The following NIM1K variants were observed in gnomAD, a reference collection of about 807,000 sequenced individuals.
NIM1K encodes the protein NIM1 serine/threonine protein kinase.
NIM1K carries 35 observed loss-of-function variants against 37.1 expected under a neutral mutation model. The observed-to-expected ratio is 0.94, with a 90% CI of 0.72 to 1.25. The LOEUF (loss-of-function observed/expected upper bound fraction) is 1.25. Among genes scored for constraint, NIM1K ranks in the 50% most tolerant of loss-of-function variants. NIM1K has a pLI of 0.00. For synonymous variants in NIM1K, 234 were observed against 206.6 expected, an observed-to-expected ratio of 1.13 and a Z score of -1.14; for missense variants, 564 against 548.0, an observed-to-expected ratio of 1.03 and a Z score of -0.29.
intron 2 of NIM1K, among the ~76,000 whole-genome samples, chr5:43,261,270 C>A (rs1294781927): frequency 6.6e-6 from 1 of 152,182 alleles, no homozygotes; most frequent in African/African-American, 2.4e-5. Flanking sequence ...TCTCTAGCAC[C>A]TGTTGTTTCC....
chr5:43,208,691 G>A (rs551734876), intron 1 of NIM1K, among the ~76,000 whole-genome samples: 3 of 152,328 alleles, frequency 2.0e-5, no homozygotes, highest in African/African-American at 7.2e-5. Flanking sequence ...GGCATGAAAG[G>A]ACATGTTATG....
intron 2 of NIM1K, among the ~76,000 whole-genome samples, chr5:43,246,535 T>C (rs1258441673): frequency 6.6e-6 from 1 of 151,572 alleles, no homozygotes; most frequent in East Asian, 1.9e-4. Context: ...AATGGCACAG[T>C]GCGGCACAGG....
At chr5:43,267,721 G>A (rs1753186489) in intron 2 of NIM1K, among the ~76,000 whole-genome samples, 1 of 152,100 alleles carries the variant, frequency 6.6e-6, no homozygotes. Flanking sequence ...AATTTATACA[G>A]GAGCAGATTT....
chr5:43,239,980 C>T (rs1266479679), intron 1 of NIM1K, among the ~76,000 whole-genome samples: 2 of 152,018 alleles, frequency 1.3e-5, no homozygotes, highest in African/African-American at 4.8e-5. Flanking sequence ...ATGATAATTT[C>T]CCTGTGTAAC....
rs199654196 is a variant in NIM1K, at chr5:43,279,022, G to A, written c.562-958G>A. ...ATTCTACTTGGAAAAGTAACTTGGT[G>A]GGAGAACAGAAGAGAATCCAGCAAT... is the stretch of plus-strand genomic sequence containing the variant. On this transcript the variant is annotated intron_variant, in intron 3 of 3. Coordinates refer to ENST00000326035, the MANE Select transcript of NIM1K (RefSeq NM_153361.4). Among the ~76,000 whole-genome samples the A allele has an allele frequency of 8.5e-5, 13 of 152,186 alleles. No individual in the cohort carries two copies. The East Asian group carries it at 2.1e-3, about 25-fold the overall frequency.
intron 1 of NIM1K, chr5:43,233,100 G>A: frequency 7.4e-7 from 1 of 1,346,604 alleles, no homozygotes; most frequent in Middle Eastern, 2.4e-4. Flanking sequence ...CATGTTCCAG[G>A]CAGTAGGGCT....
At chr5:43,254,347 T>G (rs2112274219) in intron 2 of NIM1K, among the ~76,000 whole-genome samples, 1 of 152,290 alleles carries the variant, frequency 6.6e-6, no homozygotes, top group South Asian at 2.1e-4. Context: ...GTATATGGAA[T>G]TCATGAAATG....
At chr5:43,279,470 T>C (rs4443426) in intron 3 of NIM1K, among the ~76,000 whole-genome samples, 72,373 of 151,902 alleles carry the variant, frequency 0.48, 17,759 homozygotes, top group Middle Eastern at 0.61. Context: ...GAGTGGAGCA[T>C]GTGCCCACAA....
chr5:43,280,720 G>C lies in NIM1K; in HGVS notation c.1302G>C (p.Ser434=), dbSNP rs755535109. The change falls in exon 4 of 4, where the codon TCG becomes TCC. Residue 434 remains serine (S), a synonymous_variant. Coordinates refer to ENST00000326035, the MANE Select transcript of NIM1K (RefSeq NM_153361.4). ...TAAGACACACATCCAAATTTTGCTC[G>C]ATTTTATAAATTGCACTAGACTGCT... The part of the protein sequence containing the change: ...RGIRHTSKFC[S]IL 6.3e-7 allele frequency: 1 copy of C among 1,593,368 alleles called. No homozygotes were observed.
At chr5:43,229,734 T>G (rs897754163) in intron 1 of NIM1K, among the ~76,000 whole-genome samples, 6 of 151,632 alleles carry the variant, frequency 4.0e-5, no homozygotes, top group Non-Finnish European at 8.8e-5. Flanking sequence ...CCTCCTGAGT[T>G]CAAGTGATTC....
At chr5:43,272,846 A>G (rs60207549) in intron 2 of NIM1K, among the ~76,000 whole-genome samples, 62,541 of 151,880 alleles carry the variant, frequency 0.41, 14,104 homozygotes, top group East Asian at 0.79. Flanking sequence ...CCAAATAGTA[A>G]CCATTGTGTG....
intron 1 of NIM1K, among the ~76,000 whole-genome samples, chr5:43,222,802 G>A (rs1162044180): frequency 6.6e-6 from 1 of 151,948 alleles, no homozygotes; most frequent in Non-Finnish European, 1.5e-5. Flanking sequence ...ATATCAAAGT[G>A]TTCAGCTTAC....
Position 43,245,770 on chromosome 5 carries a change from T to C in NIM1K, c.-6T>C. ...GCTGAGATGGAGACGTGAGCCCCCGTGGACGATGACTGCAGTGTATATGAA... is the reference window on the plus strand; with the variant it reads ...GCTGAGATGGAGACGTGAGCCCCCGCGGACGATGACTGCAGTGTATATGAA... On this transcript the variant is annotated 5_prime_UTR_variant, in exon 2 of 4. Transcript: ENST00000326035. 1 of 1,571,748 alleles carries C rather than the reference T, an allele frequency of 6.4e-7. No homozygotes were observed. Among genetic ancestry groups the C allele is most frequent in the Non-Finnish European group, 8.7e-7 (1 of 1,154,824 alleles).
chr5:43,207,357 T>C, intron 1 of NIM1K: 1 of 779,890 alleles, frequency 1.3e-6, no homozygotes. Context: ...CTTGACCAAA[T>C]GGTGATCAAT....
intron 2 of NIM1K, among the ~76,000 whole-genome samples, chr5:43,276,040 G>A (rs1753334510): frequency 6.6e-6 from 1 of 151,554 alleles, no homozygotes; most frequent in Non-Finnish European, 1.5e-5. Flanking sequence ...TAGCACAGGT[G>A]CCTGCCACCG....
At chr5:43,219,265 T>C (rs1353005595) in intron 1 of NIM1K, among the ~76,000 whole-genome samples, 1 of 152,158 alleles carries the variant, frequency 6.6e-6, no homozygotes, top group African/African-American at 2.4e-5. Flanking sequence ...CATATGAACA[T>C]AATGAAACCT....
intron 2 of NIM1K, among the ~76,000 whole-genome samples, chr5:43,259,289 A>G (rs1376436699): frequency 6.6e-6 from 1 of 152,210 alleles, no homozygotes; most frequent in Non-Finnish European, 1.5e-5. Flanking sequence ...TTGTTGGATC[A>G]AATGGTAGAT....
At chr5:43,262,549 G>C (rs562086087) in intron 2 of NIM1K, among the ~76,000 whole-genome samples, 1 of 152,148 alleles carries the variant, frequency 6.6e-6, no homozygotes, top group Non-Finnish European at 1.5e-5. Flanking sequence ...CATGTCATTT[G>C]CAAACAGGGA....
chr5:43,221,704 G>A (rs1561077750), intron 1 of NIM1K, among the ~76,000 whole-genome samples: 1 of 152,192 alleles, frequency 6.6e-6, no homozygotes, highest in Non-Finnish European at 1.5e-5. Flanking sequence ...CGTTTGCCCT[G>A]TTTGAACACA....
Sources: gnomAD v4.1 joint callset for allele counts (sites outside exome capture counted in the v4.1 genomes callset) on GRCh38, gnomAD v4.1.1 for gene constraint, MANE v1.5 for transcripts, NCBI Gene and HGNC (gene_info 2026-07-23, HGNC 2026-07-21) for gene names.